OVCH1: variants seen among roughly 807,000 people sequenced by gnomAD.
OVCH1 encodes ovochymase 1, also known as ovochymase-1.
A neutral mutation model predicts 138.4 loss-of-function variants in OVCH1; 139 were observed. The observed-to-expected ratio is 1.00, with a 90% CI of 0.87 to 1.16. OVCH1 has a LOEUF of 1.16. Among genes scored for constraint, OVCH1 ranks in the 50% most tolerant of loss-of-function variants. The pLI is 0.00. For missense variants in OVCH1, 1,367 were observed against 1,357.9 expected (o/e 1.01, Z -0.11); for synonymous variants, 453 against 467.8 (o/e 0.97, Z 0.41).
chr12:29,451,910 G>T (rs1280339789), intron 21 of OVCH1, among the ~76,000 whole-genome samples: 1 of 152,134 alleles, frequency 6.6e-6, no homozygotes, highest in Non-Finnish European at 1.5e-5. Context: ...GTTCCTCAAA[G>T]CTTCACTAAA....
intron 16 of OVCH1, among the ~76,000 whole-genome samples, chr12:29,468,884 A>G (rs77249070): frequency 0.038 from 5,830 of 152,280 alleles, 338 homozygotes; most frequent in African/African-American, 0.13. Context: ...TATACCCAGC[A>G]TCAGATCATG....
rs1453591791 is a variant in OVCH1 at position 29,461,664 on chromosome 12, C to A, written c.2280+190G>T. On this transcript the variant is annotated intron_variant, in intron 19 of 27. Coordinates refer to ENST00000318184, the Ensembl canonical transcript of OVCH1. ...GTCGCTGTACAGCTGCTTCCGGCCACTCTCTGACATCTCAGCAAATTCGGA... is the reference window on the plus strand; with the variant it reads ...GTCGCTGTACAGCTGCTTCCGGCCAATCTCTGACATCTCAGCAAATTCGGA... 5.3e-6 allele frequency: 4 copies of A among 750,276 alleles called. No homozygotes were observed. In the Admixed American group the frequency reaches 6.2e-5, roughly 12 times the overall value. The allele number at this position is 750,276 out of a possible 1,614,324, so 46.5% of individuals were successfully genotyped here.
chr12:29,472,094 A>C (rs1012112975), intron 15 of OVCH1, 112 bp from the exon 16 acceptor site: 10 of 1,140,488 alleles, frequency 8.8e-6, no homozygotes, highest in African/African-American at 1.6e-5. Flanking sequence ...GATAGGCTTT[A>C]TAATAATATT....
chr12:29,454,889 G>A lies in OVCH1; in HGVS notation c.2482C>T (p.Gln828Ter). The A allele has an allele frequency of 6.2e-7, 1 of 1,612,838 alleles. No individual in the cohort carries two copies. Among genetic ancestry groups the A allele is most frequent in the Non-Finnish European group, 8.5e-7 (1 of 1,179,188 alleles). The change falls in exon 21 of 28, where the codon CAA (glutamine) becomes TAA (stop). Residue 828 changes from glutamine (Q) to a stop codon, truncating the protein, a stop_gained. Coordinates refer to ENST00000318184, the Ensembl canonical transcript of OVCH1. LOFTEE classifies it high-confidence loss of function. ...GAAGGTGTGGGTGGTGGCAATTGTTGTTTTAAGGTTTTGCATTTATTATTT... is the reference window on the plus strand; with the variant it reads ...GAAGGTGTGGGTGGTGGCAATTGTTATTTTAAGGTTTTGCATTTATTATTT...
At chr12:29,487,922 A>G (rs776633441) in intron 6 of OVCH1, 40 bp from the exon 7 acceptor site, 123 of 1,544,982 alleles carry the variant, frequency 8.0e-5, no homozygotes, top group Non-Finnish European at 1.1e-4. Context: ...GAAAATAGCC[A>G]CAGTGTAAAA....
intron 15 of OVCH1, 57 bp downstream of exon 15, chr12:29,472,972 A>G (rs1942565959): frequency 6.9e-7 from 1 of 1,439,968 alleles, no homozygotes; most frequent in Non-Finnish European, 9.6e-7. Context: ...CAAAAGAGAC[A>G]TCTAGTTAAT....
rs1943106846 is a variant in OVCH1 at position 29,486,360 on chromosome 12, ATAAGGAG to A, written c.893-19_893-13del. On this transcript the variant is annotated splice_polypyrimidine_tract_variant and intron_variant, in intron 7 of 27. Transcript: ENST00000318184. ...GCCCCGATCCAAACCTGTAAAAGGTATAAGGAGTTAGTGCCTTTCCCAATAATAATCA... is the reference window on the plus strand; with the variant it reads ...GCCCCGATCCAAACCTGTAAAAGGTATTAGTGCCTTTCCCAATAATAATCA... 6.3e-7 allele frequency: 1 copy of A among 1,583,184 alleles called. No homozygotes were observed. The highest frequency in any genetic ancestry group is 8.7e-7 in the Non-Finnish European group (1 of 1,156,050).
intron 19 of OVCH1, among the ~76,000 whole-genome samples, chr12:29,461,137 A>C (rs998724894): frequency 1.2e-4 from 19 of 152,162 alleles, no homozygotes; most frequent in Admixed American, 9.2e-4. Context: ...TCTACACCAG[A>C]CCAGCAGGAG....
chr12:29,485,926 C>A (rs997457995), intron 8 of OVCH1, among the ~76,000 whole-genome samples: 1 of 150,942 alleles, frequency 6.6e-6, no homozygotes, highest in Admixed American at 6.6e-5. Flanking sequence ...GCCTGGATGA[C>A]AGAGTGAGAC....
intron 27 of OVCH1, among the ~76,000 whole-genome samples, chr12:29,431,800 AT>A (rs1296693753): frequency 6.6e-6 from 1 of 152,198 alleles, no homozygotes; most frequent in Non-Finnish European, 1.5e-5. Flanking sequence ...AAGGTTTTCT[AT>A]GTTTATCTGA....
chr12:29,447,707 T>C (rs1357082179), intron 22 of OVCH1, among the ~76,000 whole-genome samples: 2 of 151,796 alleles, frequency 1.3e-5, no homozygotes, highest in Non-Finnish European at 2.9e-5. Flanking sequence ...CTGCTTTCAT[T>C]TTAGTCAGGT....
intron 2 of OVCH1, 43 bp from the exon 3 acceptor site, chr12:29,496,321 C>T (rs941571453): frequency 6.9e-6 from 10 of 1,442,388 alleles, no homozygotes; most frequent in Admixed American, 1.9e-5. Context: ...TATGTCTCCC[C>T]ACATATGTAT....
downstream of OVCH1, among the ~76,000 whole-genome samples, chr12:29,424,113 G>GT (rs1255212258): frequency 2.0e-5 from 3 of 152,144 alleles, no homozygotes; most frequent in African/African-American, 7.2e-5. Context: ...ATTTACTCAC[G>GT]TATTTATTAA....
Position 29,476,166 on chromosome 12 carries a change from C to A in OVCH1, c.1471+40G>T, listed in dbSNP as rs369509424. 47 of 1,518,422 alleles carry A rather than the reference C, an allele frequency of 3.1e-5. No homozygotes were observed. The East Asian group carries it at 9.5e-4, about 31-fold the overall frequency. The allele number at this position is 1,518,422 out of a possible 1,614,324, so 94.1% of individuals were successfully genotyped here. A position where few individuals can be genotyped will look rare whatever the true frequency, so the allele number is the denominator to read the frequency against. The stretch of plus-strand genomic sequence containing the variant: ...AGCCCATGTTGCCACTACTCTGATT[C>A]GTCTAACACTTTCATATTTAAAGGG... On this transcript the variant is annotated intron_variant, in intron 13 of 27. Coordinates refer to ENST00000318184, the Ensembl canonical transcript of OVCH1.
At chr12:29,497,269 C>CAAACAAAACAAAACAAAACAAAACA (rs61697247) in intron 1 of OVCH1, among the ~76,000 whole-genome samples, 8 of 151,750 alleles carry the variant, frequency 5.3e-5, no homozygotes, top group African/African-American at 1.9e-4. Context: ...CTCAAACAAA[C>CAAACAAAACAAAACAAAACAAAACA]AAACAAAACA....
chr12:29,432,420 A>G (rs986008179), intron 27 of OVCH1, among the ~76,000 whole-genome samples: 14 of 152,200 alleles, frequency 9.2e-5, no homozygotes, highest in African/African-American at 2.9e-4. Context: ...ATCAAGGTGG[A>G]CCAAGTTTAA....
chr12:29,427,094 T>C (rs957324152), downstream of OVCH1, among the ~76,000 whole-genome samples: 1 of 152,178 alleles, frequency 6.6e-6, no homozygotes, highest in East Asian at 1.9e-4. Flanking sequence ...GTCACTATCA[T>C]AGCCTGAGCT....
At chr12:29,463,670 T>A (rs1942216063) in intron 18 of OVCH1, among the ~76,000 whole-genome samples, 1 of 152,186 alleles carries the variant, frequency 6.6e-6, no homozygotes, top group Non-Finnish European at 1.5e-5. Flanking sequence ...ACTTAAATCT[T>A]TGGGTTACAA....
intron 22 of OVCH1, among the ~76,000 whole-genome samples, chr12:29,446,037 G>A (rs1941605420): frequency 1.3e-5 from 2 of 152,052 alleles, no homozygotes; most frequent in African/African-American, 2.4e-5. Context: ...CAACTATGTG[G>A]CACTGACATC....
Sources: gnomAD v4.1 joint callset for allele counts (sites outside exome capture counted in the v4.1 genomes callset) on GRCh38, gnomAD v4.1.1 for gene constraint, MANE v1.5 for transcripts, NCBI Gene and HGNC (gene_info 2026-07-23, HGNC 2026-07-21) for gene names.